RABGAP1: variants seen among roughly 807,000 people sequenced by gnomAD.
RABGAP1 encodes the protein rab GTPase-activating protein 1.
Under a neutral mutation model 137.6 loss-of-function variants are expected in RABGAP1, and 23 were observed. The ratio of observed to expected loss-of-function variants is 0.17; its 90% CI spans 0.12 to 0.24. The LOEUF (loss-of-function observed/expected upper bound fraction) is 0.24, where lower values mean the gene tolerates loss of function less well. Ranked by LOEUF, RABGAP1 falls within the 10% of genes least tolerant of loss-of-function variation. The pLI is 1.00. For missense variants in RABGAP1, 906 were observed against 1,275.8 expected (o/e 0.71, Z 4.42); for synonymous variants, 451 against 450.7 (o/e 1.00, Z -0.01).
At chr9:123,047,324 G>C (rs1415414332) in intron 13 of RABGAP1, among the ~76,000 whole-genome samples, 6 of 152,170 alleles carry the variant, frequency 3.9e-5, no homozygotes, top group Non-Finnish European at 8.8e-5. Flanking sequence ...CTGCTAGTGA[G>C]TTTGAAGGGT....
chr9:122,961,959 G>A (rs1190424612), intron 2 of RABGAP1, among the ~76,000 whole-genome samples: 3 of 151,986 alleles, frequency 2.0e-5, no homozygotes, highest in African/African-American at 7.3e-5. Context: ...AAATAAGAAG[G>A]TTAATATAAG....
intron 1 of RABGAP1, 40 bp from the exon 2 acceptor site, chr9:122,956,971 G>C (rs1366406715): frequency 2.8e-6 from 3 of 1,084,784 alleles, no homozygotes; most frequent in Admixed American, 7.0e-5. Flanking sequence ...ATATCTGGCA[G>C]ACATTCTATA....
At chr9:123,083,518 A>G (rs139085314) in intron 19 of RABGAP1, among the ~76,000 whole-genome samples, 1 of 152,254 alleles carries the variant, frequency 6.6e-6, no homozygotes, top group East Asian at 1.9e-4. Context: ...CTTAGTCCTT[A>G]TCTGTTTGGG....
At chr9:122,997,680 A>G (rs1837103357) in intron 9 of RABGAP1, among the ~76,000 whole-genome samples, 1 of 152,082 alleles carries the variant, frequency 6.6e-6, no homozygotes, top group Admixed American at 6.5e-5. Flanking sequence ...AAAAATTTCA[A>G]AGGATTTATA....
intron 13 of RABGAP1, among the ~76,000 whole-genome samples, chr9:123,025,847 A>G (rs1456005663): frequency 1.3e-5 from 2 of 152,078 alleles, no homozygotes; most frequent in South Asian, 2.1e-4. Flanking sequence ...CTCTTTTACA[A>G]TGTTTATGCA....
chr9:122,972,696 G>A (rs1835532266), intron 2 of RABGAP1, among the ~76,000 whole-genome samples: 1 of 152,196 alleles, frequency 6.6e-6, no homozygotes, highest in Admixed American at 6.5e-5. Context: ...GAATGCTGTG[G>A]TGTAGATGAG....
At chr9:122,991,972 A>C (rs964719097) in intron 6 of RABGAP1, among the ~76,000 whole-genome samples, 2 of 152,112 alleles carry the variant, frequency 1.3e-5, no homozygotes, top group Non-Finnish European at 2.9e-5. Flanking sequence ...GCAAAGTGAA[A>C]ATTATAATCT....
intron 2 of RABGAP1, 27 bp from the exon 3 acceptor site, chr9:122,984,458 C>A: frequency 6.3e-7 from 1 of 1,586,420 alleles, no homozygotes; most frequent in Non-Finnish European, 8.6e-7. Flanking sequence ...TGTCACTTTG[C>A]TGATTGCATG....
intron 19 of RABGAP1, 121 bp downstream of exon 19, chr9:123,076,883 G>A: frequency 1.7e-6 from 1 of 572,432 alleles, no homozygotes; most frequent in East Asian, 6.8e-5. Context: ...ACATATTAGT[G>A]TTAACATTTA....
chr9:123,098,574 T>G (rs1386976566), intron 22 of RABGAP1, 141 bp from the exon 23 acceptor site: 8 of 628,370 alleles, frequency 1.3e-5, no homozygotes, highest in Non-Finnish European at 2.2e-5. Context: ...CTGCCAAGAT[T>G]GAAGGAAGAA....
At chr9:123,060,601 C>T (rs1316593294) in intron 13 of RABGAP1, among the ~76,000 whole-genome samples, 1 of 152,216 alleles carries the variant, frequency 6.6e-6, no homozygotes. Flanking sequence ...ATCATTTACA[C>T]ACCCATTAGC....
intron 1 of RABGAP1, among the ~76,000 whole-genome samples, chr9:122,947,624 A>G (rs760256952): frequency 6.6e-6 from 1 of 152,228 alleles, no homozygotes; most frequent in Middle Eastern, 3.2e-3. Flanking sequence ...GTGATTTAAT[A>G]GTTTAAAGAA....
intron 10 of RABGAP1, among the ~76,000 whole-genome samples, chr9:123,002,931 C>T (rs534568435): frequency 1.1e-4 from 16 of 152,114 alleles, no homozygotes; most frequent in Non-Finnish European, 1.8e-4. Flanking sequence ...TGTGGAAGCT[C>T]GGGGGAGAGC....
chr9:123,078,538 T>G (rs1439526881), intron 19 of RABGAP1, among the ~76,000 whole-genome samples: 1 of 152,196 alleles, frequency 6.6e-6, no homozygotes, highest in African/African-American at 2.4e-5. Flanking sequence ...AGTAATATTT[T>G]CAAAGAAAAT....
Position 123,044,626 on chromosome 9 carries a change from C to CGTGTGTGTGTGT in RABGAP1, c.1795-20705_1795-20694dup, listed in dbSNP as rs68089109. Among the ~76,000 whole-genome samples the CGTGTGTGTGTGT allele has an allele frequency of 6.9e-3, 1,032 of 149,070 alleles. 14 individuals are homozygous for CGTGTGTGTGTGT. The highest frequency in any genetic ancestry group is 0.024 in the African/African-American group (974 of 40,522). On this transcript the variant is annotated intron_variant, in intron 13 of 25. Coordinates refer to ENST00000373647, the MANE Select transcript of RABGAP1 (RefSeq NM_012197.4). ...GAAGGAATATAGGAAAACACACGTA[C>CGTGTGTGTGTGT]GTGTGTGTGTGTGTGTGTGTGTGTG...
chr9:122,967,261 G>A (rs544525720), intron 2 of RABGAP1, among the ~76,000 whole-genome samples: 1 of 152,190 alleles, frequency 6.6e-6, no homozygotes, highest in South Asian at 2.1e-4. Flanking sequence ...GGTTAGTGTG[G>A]GTTCATTAGT....
At position 123,039,607 on chromosome 9, in the gene RABGAP1, T is replaced by C. The variant is rs141897037; in HGVS notation, c.1794+19148T>C. 1.3e-4 allele frequency among the ~76,000 whole-genome samples: 20 copies of C among 152,306 alleles called. 1 individual carries two copies. The East Asian group carries it at 3.5e-3, about 26-fold the overall frequency. ...TCTCTTTTTGGTATCAAGAGATTAA[T>C]GTGGTAATGTGAGTCCTCTATATAC... is the stretch of plus-strand genomic sequence containing the variant. On this transcript the variant is annotated intron_variant, in intron 13 of 25. Coordinates refer to ENST00000373647, the MANE Select transcript of RABGAP1 (RefSeq NM_012197.4).
At chr9:123,012,017 G>T (rs188275159) in intron 11 of RABGAP1, among the ~76,000 whole-genome samples, 1 of 152,166 alleles carries the variant, frequency 6.6e-6, no homozygotes, top group Non-Finnish European at 1.5e-5. Context: ...TTTGCCCAAG[G>T]TTACACAGCT....
At chr9:123,021,829 G>T (rs1183552725) in intron 13 of RABGAP1, among the ~76,000 whole-genome samples, 1 of 152,162 alleles carries the variant, frequency 6.6e-6, no homozygotes, top group Non-Finnish European at 1.5e-5. Flanking sequence ...GTTGGAGCTG[G>T]GAGGTTAAAC....
Sources: allele counts gnomAD v4.1 joint callset (sites outside exome capture counted in the v4.1 genomes callset), GRCh38; gene constraint gnomAD v4.1.1; transcripts MANE v1.5; gene names NCBI Gene and HGNC (gene_info 2026-07-23, HGNC 2026-07-21).